Variants in HYCC1 observed in about 807,000 individuals in gnomAD.
HYCC1 encodes hyccin.
At chr7:22,908,514 G>C in the HYCC1 span, among the ~76,000 whole-genome samples, 27 of 152,068 alleles carry the variant, frequency 1.8e-4, no homozygotes, top group South Asian at 1.0e-3. Context: ...TCTCCAAATA[G>C]AGCTGTTAAT....
the HYCC1 span, among the ~76,000 whole-genome samples, chr7:22,904,742 G>A: frequency 3.2e-3 from 484 of 151,672 alleles, 6 homozygotes; most frequent in African/African-American, 0.011. Flanking sequence ...CCAGGAGTTT[G>A]AGACCAGCCT....
chr7:22,920,058 T>TG, the HYCC1 span, among the ~76,000 whole-genome samples: 2 of 152,216 alleles, frequency 1.3e-5, no homozygotes, highest in South Asian at 4.1e-4. Flanking sequence ...CCAGGCACAG[T>TG]GGTTCATGCC....
the HYCC1 span, among the ~76,000 whole-genome samples, chr7:22,990,626 T>C: frequency 6.6e-6 from 1 of 152,232 alleles, no homozygotes; most frequent in Non-Finnish European, 1.5e-5. Flanking sequence ...ACACCCCTTA[T>C]ATAGCCACTG....
At chr7:22,987,537 G>A in the HYCC1 span, among the ~76,000 whole-genome samples, 3 of 152,190 alleles carry the variant, frequency 2.0e-5, no homozygotes, top group Admixed American at 6.5e-5. Flanking sequence ...GACAGTGTGA[G>A]ACCCTGTCTC....
chr7:22,977,316 C>T, the HYCC1 span: 1 of 1,404,396 alleles, frequency 7.1e-7, no homozygotes, highest in Non-Finnish European at 1.0e-6. Context: ...GGTCAATAAA[C>T]TTACTGTGAT....
At chr7:22,954,493 T>C in the HYCC1 span, among the ~76,000 whole-genome samples, 2 of 151,358 alleles carry the variant, frequency 1.3e-5, no homozygotes, top group Non-Finnish European at 3.0e-5. Flanking sequence ...TTTAAATCTC[T>C]TTGAACTCTG....
At chr7:22,948,816 C>G in the HYCC1 span, among the ~76,000 whole-genome samples, 4 of 151,968 alleles carry the variant, frequency 2.6e-5, no homozygotes, top group Non-Finnish European at 5.9e-5. Flanking sequence ...TAGTAGTGCA[C>G]TGCTGCTTCT....
the HYCC1 span, chr7:22,961,095 T>C: frequency 5.1e-6 from 3 of 587,692 alleles, no homozygotes; most frequent in African/African-American, 1.9e-5. Flanking sequence ...TTCTAAGTTA[T>C]AAAACTTCCA....
the HYCC1 span, among the ~76,000 whole-genome samples, chr7:22,991,942 T>G: frequency 1.3e-5 from 2 of 152,144 alleles, no homozygotes; most frequent in African/African-American, 4.8e-5. Flanking sequence ...TTAGGTAGAG[T>G]AGCCAGAAAT....
chr7:23,003,946 A>G, the HYCC1 span, among the ~76,000 whole-genome samples: 1 of 152,188 alleles, frequency 6.6e-6, no homozygotes, highest in Non-Finnish European at 1.5e-5. Context: ...CTATGTGGAT[A>G]TTATGAATAT....
chr7:22,978,498 GA>G, the HYCC1 span: 6 of 1,412,494 alleles, frequency 4.2e-6, no homozygotes, highest in Admixed American at 1.0e-4. Context: ...TATTTGAATG[GA>G]ACTACTATAT....
the HYCC1 span, among the ~76,000 whole-genome samples, chr7:22,899,893 C>T: frequency 6.6e-6 from 1 of 151,728 alleles, no homozygotes; most frequent in Non-Finnish European, 1.5e-5. Flanking sequence ...GTCTCCTTTA[C>T]AGCAAAATAA....
chr7:23,013,269 T>A, the HYCC1 span, among the ~76,000 whole-genome samples: 1 of 152,230 alleles, frequency 6.6e-6, no homozygotes, highest in East Asian at 1.9e-4. Flanking sequence ...GGGCAAGGGC[T>A]CAAGAAGAGA....
At chr7:22,977,287 T>C in the HYCC1 span, 2 of 1,086,616 alleles carry the variant, frequency 1.8e-6, no homozygotes, top group Admixed American at 3.4e-5. Context: ...TTATAACTTG[T>C]GGCAATATCA....
At chr7:22,922,905 C>T in the HYCC1 span, among the ~76,000 whole-genome samples, 1 of 152,160 alleles carries the variant, frequency 6.6e-6, no homozygotes, top group Non-Finnish European at 1.5e-5. Context: ...CAGAACCCTA[C>T]AACATGTGAA....
the HYCC1 span, among the ~76,000 whole-genome samples, chr7:22,909,529 C>T: frequency 2.6e-5 from 4 of 152,196 alleles, no homozygotes; most frequent in East Asian, 1.9e-4. Context: ...TGACTTTAAT[C>T]GATATCCCTT....
chr7:22,989,428 A>T, the HYCC1 span, among the ~76,000 whole-genome samples: 98,359 of 151,568 alleles, frequency 0.65, 31,850 homozygotes, highest in Non-Finnish European at 0.66. Flanking sequence ...GCTCACTGCA[A>T]CTTTGAATTC....
At chr7:22,930,020 T>G in the HYCC1 span, among the ~76,000 whole-genome samples, 2 of 151,820 alleles carry the variant, frequency 1.3e-5, no homozygotes, top group African/African-American at 2.4e-5. Flanking sequence ...CCATAAAAAA[T>G]GATGAGTTCA....
chr7:22,960,434 G>A, the HYCC1 span: 3 of 1,601,498 alleles, frequency 1.9e-6, no homozygotes, highest in South Asian at 1.1e-5. Context: ...AAAAAATATA[G>A]TTTAAGATCA....
Sources: gnomAD v4.1 joint callset for allele counts (sites outside exome capture counted in the v4.1 genomes callset) on GRCh38, gnomAD v4.1.1 for gene constraint, MANE v1.5 for transcripts, NCBI Gene and HGNC (gene_info 2026-07-23, HGNC 2026-07-21) for gene names.